CREM: variants seen among roughly 807,000 people sequenced by gnomAD.
The protein encoded by CREM is cAMP responsive element modulator.
A neutral mutation model predicts 37.3 loss-of-function variants in CREM; 13 were observed. The ratio of observed to expected loss-of-function variants is 0.35; its 90% CI spans 0.23 to 0.55. The LOEUF (loss-of-function observed/expected upper bound fraction) is 0.55. CREM is among the 20% of genes least tolerant of loss of function. The pLI, the probability that CREM is intolerant of heterozygous loss-of-function variation, is 0.88. For missense variants in CREM, 296 were observed against 362.3 expected (o/e 0.82, Z 1.49); for synonymous variants, 124 against 120.2 (o/e 1.03, Z -0.21).
At chr10:35,193,091 G>A (rs2094988353) in intron 6 of CREM, among the ~76,000 whole-genome samples, 1 of 152,164 alleles carries the variant, frequency 6.6e-6, no homozygotes. Context: ...AACCTTCTGT[G>A]AGTTCCTACT....
At chr10:35,131,334 T>G (rs145796691) in intron 1 of CREM, among the ~76,000 whole-genome samples, 2 of 151,596 alleles carry the variant, frequency 1.3e-5, no homozygotes, top group Admixed American at 1.3e-4. Flanking sequence ...TTAGTAAAGG[T>G]TTTTTTTTGT....
intron 6 of CREM, among the ~76,000 whole-genome samples, chr10:35,198,522 CAAA>C (rs1224904326): frequency 2.1e-5 from 2 of 93,076 alleles, no homozygotes; most frequent in Admixed American, 1.1e-4. Flanking sequence ...GACTCCATCT[CAAA>C]AAAAAAAAAA....
At chr10:35,137,747 C>G in intron 1 of CREM, 35 bp from the exon 2 acceptor site, 1 of 935,332 alleles carries the variant, frequency 1.1e-6, no homozygotes, top group Middle Eastern at 2.2e-4. Flanking sequence ...TGAAATGTTA[C>G]GATCTCCCAA....
chr10:35,172,481 G>A (rs552353593), intron 3 of CREM, among the ~76,000 whole-genome samples: 1 of 152,196 alleles, frequency 6.6e-6, no homozygotes, highest in South Asian at 2.1e-4. Context: ...AGTGGTGGTG[G>A]GGGAGTGGTA....
intron 3 of CREM, among the ~76,000 whole-genome samples, chr10:35,176,815 C>G (rs900478410): frequency 6.6e-6 from 1 of 152,012 alleles, no homozygotes; most frequent in Non-Finnish European, 1.5e-5. Context: ...ATACATAATT[C>G]TTGGTAAGAT....
chr10:35,181,166 A>C (rs2094336289), intron 5 of CREM, among the ~76,000 whole-genome samples: 1 of 152,224 alleles, frequency 6.6e-6, no homozygotes, highest in South Asian at 2.1e-4. Context: ...TATGGGGTTG[A>C]AGCTGGAGAG....
At chr10:35,203,696 T>TA (rs1396134598) in intron 6 of CREM, among the ~76,000 whole-genome samples, 1 of 151,870 alleles carries the variant, frequency 6.6e-6, no homozygotes, top group Non-Finnish European at 1.5e-5. Flanking sequence ...TGTCTCAAAA[T>TA]AAAAATAAAA....
chr10:35,195,121 C>A, intron 6 of CREM: 1 of 1,550,548 alleles, frequency 6.4e-7, no homozygotes, highest in Non-Finnish European at 8.9e-7. Flanking sequence ...CACATGCTTG[C>A]TAATTTGGAA....
chr10:35,173,875 A>G (rs1005796113), intron 3 of CREM, among the ~76,000 whole-genome samples: 3 of 152,214 alleles, frequency 2.0e-5, no homozygotes, highest in African/African-American at 7.2e-5. Flanking sequence ...GAGTGTAAAG[A>G]TGCCCTGAGA....
At chr10:35,144,862 T>C (rs1197727848) in intron 2 of CREM, among the ~76,000 whole-genome samples, 3 of 152,030 alleles carry the variant, frequency 2.0e-5, no homozygotes, top group East Asian at 1.9e-4. Flanking sequence ...ATATCAGTTA[T>C]TGAGTTGTAA....
intron 2 of CREM, among the ~76,000 whole-genome samples, chr10:35,138,526 ATTTT>A (rs752036917): frequency 7.3e-6 from 1 of 136,914 alleles, no homozygotes; most frequent in African/African-American, 2.7e-5. Context: ...AAATTTTAGA[ATTTT>A]TTTTTTTTTT....
intron 3 of CREM, among the ~76,000 whole-genome samples, chr10:35,177,710 C>T (rs1259383079): frequency 6.6e-6 from 1 of 152,170 alleles, no homozygotes; most frequent in Non-Finnish European, 1.5e-5. Context: ...AGAATACTTA[C>T]GTGTTGGATC....
chr10:35,165,174 C>G (rs1017778694), intron 3 of CREM, among the ~76,000 whole-genome samples: 2 of 151,850 alleles, frequency 1.3e-5, no homozygotes, highest in African/African-American at 4.8e-5. Flanking sequence ...AAGCATGGCA[C>G]CAGTATCTGC....
intron 3 of CREM, among the ~76,000 whole-genome samples, chr10:35,156,139 C>G (rs1195755244): frequency 6.6e-6 from 1 of 152,086 alleles, no homozygotes; most frequent in Non-Finnish European, 1.5e-5. Flanking sequence ...TGGAGTTTCA[C>G]TGTGGTAGCC....
chr10:35,210,253 C>A (rs2095636044), intron 7 of CREM, among the ~76,000 whole-genome samples: 1 of 151,926 alleles, frequency 6.6e-6, no homozygotes, highest in Non-Finnish European at 1.5e-5. Flanking sequence ...GGAATTGAAT[C>A]CTCCAAAATG....
At chr10:35,148,187 T>C (rs2092313811) in intron 2 of CREM, among the ~76,000 whole-genome samples, 181 bp from the exon 3 acceptor site, 1 of 152,248 alleles carries the variant, frequency 6.6e-6, no homozygotes, top group African/African-American at 2.4e-5. Context: ...ATACAAAGTT[T>C]TGAGCCATAG....
Position 35,211,746 on chromosome 10 carries a change from G to C in CREM, c.*348G>C, listed in dbSNP as rs751152836. 3.1e-6 allele frequency: 5 copies of C among 1,613,940 alleles called. No individual in the cohort carries two copies. Among genetic ancestry groups the C allele is most frequent in the Non-Finnish European group, 4.2e-6 (5 of 1,179,972 alleles). Reference sequence around the variant, plus strand: ...CAGTGCTGGAAGTCCAGAACAAGAAGCTTATAGAGGAACTTGAAACCTTGA... The same window carrying C: ...CAGTGCTGGAAGTCCAGAACAAGAACCTTATAGAGGAACTTGAAACCTTGA... On this transcript the variant is annotated 3_prime_UTR_variant, in exon 8 of 8. Transcript: ENST00000685392.
chr10:35,142,640 C>G (rs545779282), intron 2 of CREM, among the ~76,000 whole-genome samples: 1 of 152,272 alleles, frequency 6.6e-6, no homozygotes, highest in South Asian at 2.1e-4. Flanking sequence ...GGGTCTTGCT[C>G]TGTCACCCAG....
intron 3 of CREM, among the ~76,000 whole-genome samples, chr10:35,177,895 GCAA>G (rs894948224): frequency 2.0e-5 from 3 of 152,098 alleles, no homozygotes; most frequent in African/African-American, 7.2e-5. Flanking sequence ...ATTATCTGAG[GCAA>G]CAACATTTTT....
Sources: allele counts gnomAD v4.1 joint callset (sites outside exome capture counted in the v4.1 genomes callset), GRCh38; gene constraint gnomAD v4.1.1; transcripts MANE v1.5; gene names NCBI Gene and HGNC (gene_info 2026-07-23, HGNC 2026-07-21).